Variants in LDB2 observed in about 807,000 individuals in gnomAD.
LDB2 encodes the protein LIM domain-binding protein 2.
A neutral mutation model predicts 44.3 loss-of-function variants in LDB2; 12 were observed. The ratio of observed to expected loss-of-function variants is 0.27; its 90% CI spans 0.17 to 0.44. The LOEUF (loss-of-function observed/expected upper bound fraction) is 0.44, where lower values mean the gene tolerates loss of function less well. Ranked by LOEUF, LDB2 falls within the 20% of genes least tolerant of loss-of-function variation. The pLI is 1.00. For synonymous variants in LDB2, 164 were observed against 174.8 expected, an observed-to-expected ratio of 0.94 and a Z score of 0.49; for missense variants, 344 against 473.5, an observed-to-expected ratio of 0.73 and a Z score of 2.54.
intron 5 of LDB2, among the ~76,000 whole-genome samples, chr4:16,527,827 CTA>C (rs1728755933): frequency 6.6e-6 from 1 of 151,970 alleles, no homozygotes; most frequent in Non-Finnish European, 1.5e-5. Flanking sequence ...AAATGATTAA[CTA>C]TGTGAGGTAA....
At position 16,519,265 on chromosome 4, in the gene LDB2, C is replaced by T. The variant is rs182159961; in HGVS notation, c.616-7161G>A. Among the ~76,000 whole-genome samples the T allele has an allele frequency of 2.1e-3, 321 of 152,084 alleles. 5 individuals carry two copies. Among genetic ancestry groups the T allele is most frequent in the South Asian group, 5.0e-3 (24 of 4,804 alleles). ...ATTATTATGTCATTAACCCTCACCC[C>T]CACCTTTTGGCCCACTTTTACAGGT... is the stretch of plus-strand genomic sequence containing the variant. On this transcript the variant is annotated intron_variant, in intron 5 of 7. Transcript: ENST00000304523.
At chr4:16,801,636 T>C (rs552741775) in intron 1 of LDB2, among the ~76,000 whole-genome samples, 5 of 152,350 alleles carry the variant, frequency 3.3e-5, no homozygotes, top group African/African-American at 1.2e-4. Flanking sequence ...ACTTAATGAT[T>C]ACATTATTCA....
chr4:16,741,258 A>G (rs1763178373), intron 2 of LDB2, among the ~76,000 whole-genome samples: 1 of 152,216 alleles, frequency 6.6e-6, no homozygotes, highest in Non-Finnish European at 1.5e-5. Flanking sequence ...ATCATTTCCA[A>G]CTAGTTGTGA....
At chr4:16,712,983 A>G (rs1307279713) in intron 2 of LDB2, among the ~76,000 whole-genome samples, 2 of 152,268 alleles carry the variant, frequency 1.3e-5, no homozygotes, top group Non-Finnish European at 2.9e-5. Flanking sequence ...AAATAAATAA[A>G]TTGTGGTATA....
At chr4:16,632,850 T>G (rs927425944) in intron 2 of LDB2, among the ~76,000 whole-genome samples, 49 of 152,190 alleles carry the variant, frequency 3.2e-4, no homozygotes, top group Non-Finnish European at 6.6e-4. Flanking sequence ...GAGTGTAAAT[T>G]AGTTCGACCA....
intron 1 of LDB2, among the ~76,000 whole-genome samples, chr4:16,816,143 G>T (rs1209338837): frequency 6.6e-6 from 1 of 152,072 alleles, no homozygotes. Context: ...TGGAAGCGGA[G>T]GTTGCAGTGA....
intron 3 of LDB2, among the ~76,000 whole-genome samples, chr4:16,593,518 A>T (rs1407106753): frequency 6.6e-6 from 1 of 152,144 alleles, no homozygotes; most frequent in Non-Finnish European, 1.5e-5. Flanking sequence ...AAAAAAATGG[A>T]TCCTTTCAAA....
chr4:16,664,253 G>A (rs999689217), intron 2 of LDB2, among the ~76,000 whole-genome samples: 8 of 152,292 alleles, frequency 5.3e-5, no homozygotes, highest in Admixed American at 2.6e-4. Flanking sequence ...GAGACACAGA[G>A]AGAAGATACT....
At chr4:16,559,424 T>C (rs971540039) in intron 5 of LDB2, among the ~76,000 whole-genome samples, 8 of 152,020 alleles carry the variant, frequency 5.3e-5, no homozygotes, top group South Asian at 2.1e-4. Context: ...TCCTAGTCTC[T>C]GACAAAACAG....
At chr4:16,870,107 G>A (rs1011042032) in intron 1 of LDB2, among the ~76,000 whole-genome samples, 2 of 152,164 alleles carry the variant, frequency 1.3e-5, no homozygotes, top group African/African-American at 4.8e-5. Context: ...GGCAGCTGCA[G>A]AGGCGATCCA....
At chr4:16,778,379 C>A (rs1413750040) in intron 1 of LDB2, among the ~76,000 whole-genome samples, 1 of 152,162 alleles carries the variant, frequency 6.6e-6, no homozygotes, top group Non-Finnish European at 1.5e-5. Context: ...AAACTTTCTG[C>A]ATAATTCCCA....
intron 1 of LDB2, among the ~76,000 whole-genome samples, chr4:16,815,430 A>G (rs1780717272): frequency 6.6e-6 from 1 of 152,204 alleles, no homozygotes; most frequent in African/African-American, 2.4e-5. Context: ...ATTACCCCTG[A>G]GTTTCTGTTG....
intron 1 of LDB2, among the ~76,000 whole-genome samples, chr4:16,840,225 G>A (rs1034417147): frequency 6.6e-6 from 1 of 152,152 alleles, no homozygotes; most frequent in Non-Finnish European, 1.5e-5. Context: ...ACTGAGCCCA[G>A]CAGTCAGCAC....
At chr4:16,711,804 A>C (rs1755933187) in intron 2 of LDB2, among the ~76,000 whole-genome samples, 1 of 152,230 alleles carries the variant, frequency 6.6e-6, no homozygotes, top group East Asian at 1.9e-4. Context: ...CAACCAACTG[A>C]TTTTAGACAA....
chr4:16,889,727 T>A (rs973495308), intron 1 of LDB2, among the ~76,000 whole-genome samples: 1 of 152,164 alleles, frequency 6.6e-6, no homozygotes, highest in Non-Finnish European at 1.5e-5. Context: ...TGTAAGACAA[T>A]CAGGTCCCTG....
At chr4:16,701,651 A>G (rs1399723691) in intron 2 of LDB2, among the ~76,000 whole-genome samples, 1 of 152,210 alleles carries the variant, frequency 6.6e-6, no homozygotes, top group East Asian at 1.9e-4. Flanking sequence ...GAAGCAAAGC[A>G]AGGGGTTCTA....
chr4:16,511,579 T>A (rs543102110), intron 6 of LDB2, among the ~76,000 whole-genome samples: 5 of 152,128 alleles, frequency 3.3e-5, no homozygotes, highest in Admixed American at 6.5e-5. Flanking sequence ...TCTTCCTTCC[T>A]TTTCATAATG....
intron 2 of LDB2, among the ~76,000 whole-genome samples, chr4:16,649,278 A>T (rs961415202): frequency 6.6e-6 from 1 of 152,166 alleles, no homozygotes; most frequent in Non-Finnish European, 1.5e-5. Flanking sequence ...TCTCATGATG[A>T]TGTGCATATG....
At chr4:16,826,394 T>C (rs1450900640) in intron 1 of LDB2, 1 of 152,228 alleles carries the variant, frequency 6.6e-6, no homozygotes, top group Admixed American at 6.5e-5. Context: ...GAAGAGATTC[T>C]GGCCATTTAA....
Sources: allele counts gnomAD v4.1 joint callset (sites outside exome capture counted in the v4.1 genomes callset), GRCh38; gene constraint gnomAD v4.1.1; transcripts MANE v1.5; gene names NCBI Gene and HGNC (gene_info 2026-07-23, HGNC 2026-07-21).